The following BRWD3 variants were observed in gnomAD, a reference collection of about 807,000 sequenced individuals.
BRWD3 encodes the protein bromodomain and WD repeat domain containing 3, also known as bromodomain and WD repeat-containing protein 3.
In BRWD3, 10 loss-of-function variants were observed where a neutral mutation model predicts 149.7. That is an observed-to-expected ratio of 0.07 (90% CI 0.04 to 0.11). The LOEUF is 0.11. BRWD3 is among the 10% of genes least tolerant of loss of function. BRWD3 has a pLI of 1.00. For missense variants in BRWD3, 940 were observed against 1,373.2 expected, an observed-to-expected ratio of 0.68 and a Z score of 4.99; for synonymous variants, 504 against 456.7, an observed-to-expected ratio of 1.10 and a Z score of -1.32.
At position 80,675,148 on chromosome X, in the gene BRWD3, C is replaced by T. The variant is rs1210248537; in HGVS notation, c.*1461G>A. ...AAACTGACCTTGGAACTCAAGCTCA[C>T]TTATGGAACCATGTGCACTCTACTG... is the stretch of plus-strand genomic sequence containing the variant. On this transcript the variant is annotated 3_prime_UTR_variant, in exon 41 of 41. Coordinates refer to ENST00000373275, the MANE Select transcript of BRWD3 (RefSeq NM_153252.5). 1 of 111,601 alleles carries T rather than the reference C, an allele frequency of 9.0e-6. No individual in the cohort carries two copies. Among genetic ancestry groups the T allele is most frequent in the Non-Finnish European group, 1.9e-5 (1 of 53,050 alleles). The allele number at this position is 111,601 out of a possible 1,213,427, so 9.2% of individuals were successfully genotyped here. A position where few individuals can be genotyped will look rare whatever the true frequency, so the allele number is the denominator to read the frequency against.
intron 36 of BRWD3, 102 bp from the exon 37 acceptor site, chrX:80,684,264 C>T (rs892028387): frequency 1.3e-6 from 1 of 753,284 alleles, no homozygotes; most frequent in Admixed American, 2.8e-5. Context: ...GAAATAAACA[C>T]ATTGCTTTTC....
intron 6 of BRWD3, among the ~76,000 whole-genome samples, chrX:80,759,121 G>A (rs919712554): frequency 9.0e-6 from 1 of 111,687 alleles, no homozygotes; most frequent in African/African-American, 3.3e-5. Context: ...ACACTTCTAC[G>A]AATGAAGGTT....
intron 8 of BRWD3, among the ~76,000 whole-genome samples, chrX:80,737,213 A>G (rs1183476462): frequency 1.8e-5 from 2 of 111,259 alleles, no homozygotes; most frequent in Non-Finnish European, 3.8e-5. Context: ...CCTCCCATGG[A>G]TACTAAAATC....
At chrX:80,717,388 G>A (rs936921303) in intron 19 of BRWD3, 185 bp downstream of exon 19, 3 of 455,874 alleles carry the variant, frequency 6.6e-6, no homozygotes, top group Non-Finnish European at 1.1e-5. Context: ...AAAGCATTCA[G>A]CACAAAGCTG....
At chrX:80,751,024 C>A (rs2073659541) in intron 6 of BRWD3, among the ~76,000 whole-genome samples, 1 of 110,947 alleles carries the variant, frequency 9.0e-6, no homozygotes, top group Admixed American at 9.7e-5. Flanking sequence ...TGGTTGATAT[C>A]ATTTATGTAG....
intron 20 of BRWD3, among the ~76,000 whole-genome samples, chrX:80,712,817 G>A (rs1455046627): frequency 9.2e-6 from 1 of 108,614 alleles, no homozygotes; most frequent in African/African-American, 3.4e-5. Flanking sequence ...TCTGGGAGGT[G>A]AGGAGCGTCT....
intron 40 of BRWD3, 103 bp from the exon 41 acceptor site, chrX:80,677,466 A>T (rs1018831748): frequency 9.7e-7 from 1 of 1,025,714 alleles, no homozygotes; most frequent in African/African-American, 1.9e-5. Context: ...TGTGGAATAC[A>T]ATCATGGAGG....
chrX:80,803,519 C>T (rs886682109), intron 4 of BRWD3, among the ~76,000 whole-genome samples: 1 of 111,992 alleles, frequency 8.9e-6, no homozygotes, highest in African/African-American at 3.2e-5. Flanking sequence ...CTAGACAAAT[C>T]GCTAAAGCCA....
chrX:80,684,917 C>T (rs1480158297), intron 36 of BRWD3, among the ~76,000 whole-genome samples: 1 of 111,052 alleles, frequency 9.0e-6, no homozygotes, highest in African/African-American at 3.3e-5. Context: ...AAAATCTCCA[C>T]ATTTCCCTCC....
chrX:80,709,527 T>C lies in BRWD3; in HGVS notation c.2376A>G (p.Lys792=). 5 of 1,210,476 alleles carry C rather than the reference T, an allele frequency of 4.1e-6. No individual in the cohort carries two copies. The highest frequency in any genetic ancestry group is 5.6e-6 in the Non-Finnish European group (5 of 894,555). ...CGRSLRRTQR[K]RQHTYQTRSN... The stretch of plus-strand genomic sequence containing the variant: ...ACCGTGTTTGGTAAGTATGCTGACG[T>C]TTGCGCTGTGTCCTGCGTAAAGAAC... Residue 792 remains lysine, a synonymous_variant, in exon 21 of 41, where the codon AAA becomes AAG. Transcript: ENST00000373275.
At chrX:80,690,685 G>A (rs903418455) in intron 31 of BRWD3, among the ~76,000 whole-genome samples, 1 of 110,826 alleles carries the variant, frequency 9.0e-6, no homozygotes, top group Non-Finnish European at 1.9e-5. Flanking sequence ...TTCAGTGCTG[G>A]TAACTAAATC....
chrX:80,704,958 T>A, intron 22 of BRWD3, 112 bp from the exon 23 acceptor site: 2 of 817,080 alleles, frequency 2.4e-6, no homozygotes, highest in Non-Finnish European at 3.5e-6. Context: ...ATGGCTGGAT[T>A]TTTTTCTAAC....
chrX:80,676,370 T>C lies in BRWD3; in HGVS notation c.*239A>G. 2.4e-6 allele frequency: 1 copy of C among 417,797 alleles called. No homozygotes were observed. Among genetic ancestry groups the C allele is most frequent in the Non-Finnish European group, 4.2e-6 (1 of 239,585 alleles). The allele number at this position is 417,797 out of a possible 1,213,427, so 34.4% of individuals were successfully genotyped here. A position where few individuals can be genotyped will look rare whatever the true frequency, so the allele number is the denominator to read the frequency against. On this transcript the variant is annotated 3_prime_UTR_variant, in exon 41 of 41. Transcript: ENST00000373275. ...CTGTGTGTGTGTATGTGTGTGTATGTGTTTGTGTGTGTGTGGGCAGAATTT... is the reference window on the plus strand; with the variant it reads ...CTGTGTGTGTGTATGTGTGTGTATGCGTTTGTGTGTGTGTGGGCAGAATTT...
intron 8 of BRWD3, among the ~76,000 whole-genome samples, chrX:80,738,460 T>TA (rs1043161346): frequency 1.8e-5 from 2 of 111,162 alleles, no homozygotes; most frequent in Non-Finnish European, 3.8e-5. Context: ...TATATTTTGT[T>TA]AAAAAAAATA....
At chrX:80,702,813 T>C (rs774502311) in intron 24 of BRWD3, among the ~76,000 whole-genome samples, 1 of 111,892 alleles carries the variant, frequency 8.9e-6, no homozygotes, top group Non-Finnish European at 1.9e-5. Flanking sequence ...ATGACAATAT[T>C]ACATTTCTAC....
chrX:80,706,858 C>A (rs1032542837), intron 22 of BRWD3, among the ~76,000 whole-genome samples: 2 of 112,668 alleles, frequency 1.8e-5, no homozygotes, highest in Non-Finnish European at 3.7e-5. Flanking sequence ...AGCAAGACAC[C>A]ATCTCTAAAA....
At position 80,759,134 on chromosome X, in the gene BRWD3, G is replaced by C. The variant is rs192174831; in HGVS notation, c.431-13405C>G. Among the ~76,000 whole-genome samples, 271 of 111,822 alleles carry C rather than the reference G, an allele frequency of 2.4e-3. 1 individual carries two copies. Among genetic ancestry groups the C allele is most frequent in the African/African-American group, 8.5e-3 (262 of 30,821 alleles). On this transcript the variant is annotated intron_variant, in intron 6 of 40. Coordinates refer to ENST00000373275, the MANE Select transcript of BRWD3 (RefSeq NM_153252.5). Reference sequence around the variant, plus strand: ...CTACACTTCTACGAATGAAGGTTAAGATTGCAAAGACTACATTAGGTTTCT... The same window carrying C: ...CTACACTTCTACGAATGAAGGTTAACATTGCAAAGACTACATTAGGTTTCT...
At chrX:80,756,662 T>C (rs1367249592) in intron 6 of BRWD3, among the ~76,000 whole-genome samples, 2 of 111,475 alleles carry the variant, frequency 1.8e-5, no homozygotes, top group African/African-American at 6.5e-5. Context: ...TAATTGATTA[T>C]ACAGATACAA....
chrX:80,741,089 G>A (rs1014619620), intron 8 of BRWD3, among the ~76,000 whole-genome samples: 1 of 109,073 alleles, frequency 9.2e-6, no homozygotes. Flanking sequence ...GCCCTGGTGT[G>A]TGATGTTCCC....
Sources: allele counts gnomAD v4.1 joint callset (sites outside exome capture counted in the v4.1 genomes callset), GRCh38; gene constraint gnomAD v4.1.1; transcripts MANE v1.5; gene names NCBI Gene and HGNC (gene_info 2026-07-23, HGNC 2026-07-21).